The following EDIL3 variants were observed in gnomAD, a reference collection of about 807,000 sequenced individuals.
The protein encoded by EDIL3 is EGF-like repeat and discoidin I-like domain-containing protein 3.
Under a neutral mutation model 67.4 loss-of-function variants are expected in EDIL3, and 37 were observed. That is an observed-to-expected ratio of 0.55 (90% CI 0.42 to 0.72). The LOEUF is 0.72. Among genes scored for constraint, EDIL3 ranks in the 30% least tolerant of loss-of-function variants. The probability of loss-of-function intolerance (pLI) is 0.00; values close to 1 mark genes in which losing one functional copy is unlikely to be tolerated. For synonymous variants in EDIL3, 195 were observed against 196.3 expected, an observed-to-expected ratio of 0.99 and a Z score of 0.05; for missense variants, 527 against 586.3, an observed-to-expected ratio of 0.90 and a Z score of 1.04.
rs186875602 is a variant in EDIL3 at position 83,973,785 on chromosome 5, C to T, written c.1138-10425G>A. Among the ~76,000 whole-genome samples, 705 of 151,990 alleles carry T rather than the reference C, an allele frequency of 4.6e-3. 3 individuals carry two copies. Among genetic ancestry groups the T allele is most frequent in the Non-Finnish European group, 8.0e-3 (546 of 67,948 alleles). ...CATGCATCTTATTCTGTGGCAAATACCATAAGAACTGAAAATATAGGTTGG... is the reference window on the plus strand; with the variant it reads ...CATGCATCTTATTCTGTGGCAAATATCATAAGAACTGAAAATATAGGTTGG... On this transcript the variant is annotated intron_variant, in intron 9 of 10. Transcript: ENST00000296591.
intron 4 of EDIL3, among the ~76,000 whole-genome samples, chr5:84,172,766 G>A (rs1748834539): frequency 6.6e-6 from 1 of 152,166 alleles, no homozygotes; most frequent in African/African-American, 2.4e-5. Flanking sequence ...AGCATACCCT[G>A]AGAATGACTC....
chr5:84,262,488 A>AATC (rs1475922053), intron 1 of EDIL3, among the ~76,000 whole-genome samples: 2 of 152,044 alleles, frequency 1.3e-5, no homozygotes, highest in Admixed American at 6.6e-5. Flanking sequence ...AGGAAGCTAC[A>AATC]ATCAGCAAAT....
intron 6 of EDIL3, among the ~76,000 whole-genome samples, chr5:84,069,950 AGAG>A (rs1273476155): frequency 6.6e-6 from 1 of 152,042 alleles, no homozygotes; most frequent in East Asian, 1.9e-4. Context: ...GGAGAGGAGC[AGAG>A]GAGCAGAAGA....
chr5:84,133,660 G>C (rs1748038446), intron 5 of EDIL3, among the ~76,000 whole-genome samples: 1 of 151,214 alleles, frequency 6.6e-6, no homozygotes. Flanking sequence ...AATGAACAAG[G>C]GAATTAAATT....
At chr5:84,104,293 C>T (rs769898712) in intron 6 of EDIL3, among the ~76,000 whole-genome samples, 1 of 151,112 alleles carries the variant, frequency 6.6e-6, no homozygotes, top group Non-Finnish European at 1.5e-5. Flanking sequence ...GGCTTAATAC[C>T]AGAGTAACAA....
intron 9 of EDIL3, among the ~76,000 whole-genome samples, chr5:84,020,076 C>CAAAAAAAAAAAAAA (rs9293362): frequency 7.8e-6 from 1 of 128,326 alleles, no homozygotes; most frequent in Non-Finnish European, 1.6e-5. Context: ...ATCTTTTGTA[C>CAAAAAAAAAAAAAA]AAAAAAAAAA....
intron 1 of EDIL3, among the ~76,000 whole-genome samples, chr5:84,283,371 A>C (rs1745742321): frequency 6.6e-6 from 1 of 152,086 alleles, no homozygotes; most frequent in Non-Finnish European, 1.5e-5. Context: ...TAAAAGCACA[A>C]TTTTCTTCAC....
intron 6 of EDIL3, among the ~76,000 whole-genome samples, chr5:84,069,024 G>A (rs1180639982): frequency 6.6e-6 from 1 of 152,076 alleles, no homozygotes; most frequent in Non-Finnish European, 1.5e-5. Flanking sequence ...TGGCTAAAAG[G>A]TGATCTTAAT....
intron 10 of EDIL3, among the ~76,000 whole-genome samples, chr5:83,956,909 A>G (rs1035010132): frequency 1.3e-5 from 2 of 151,754 alleles, no homozygotes; most frequent in Admixed American, 6.6e-5. Context: ...ATAAATAACA[A>G]TGTTCTTATT....
intron 9 of EDIL3, among the ~76,000 whole-genome samples, chr5:84,058,746 A>G (rs1048276374): frequency 1.3e-5 from 2 of 152,150 alleles, no homozygotes; most frequent in African/African-American, 4.8e-5. Context: ...AGCAAGGGGT[A>G]ATATCTTAAT....
intron 5 of EDIL3, among the ~76,000 whole-genome samples, chr5:84,120,244 A>G (rs1174521418): frequency 1.3e-5 from 2 of 152,008 alleles, no homozygotes; most frequent in African/African-American, 4.8e-5. Flanking sequence ...TTCTATATAT[A>G]GGAGTGTGGC....
At chr5:84,344,802 TTTATG>T (rs1314084535) in intron 1 of EDIL3, among the ~76,000 whole-genome samples, 1 of 152,140 alleles carries the variant, frequency 6.6e-6, no homozygotes, top group East Asian at 1.9e-4. Context: ...AAACATGTGG[TTTATG>T]TTATATTTCT....
chr5:84,326,705 C>T (rs937612203), intron 1 of EDIL3, among the ~76,000 whole-genome samples: 1 of 151,838 alleles, frequency 6.6e-6, no homozygotes, highest in Non-Finnish European at 1.5e-5. Context: ...AAATGTGATT[C>T]TTGTTTTTCT....
intron 3 of EDIL3, among the ~76,000 whole-genome samples, chr5:84,195,062 T>C (rs1743677107): frequency 6.6e-6 from 1 of 151,930 alleles, no homozygotes; most frequent in Non-Finnish European, 1.5e-5. Context: ...AGTGTTTTCA[T>C]GATACAAGTA....
intron 2 of EDIL3, among the ~76,000 whole-genome samples, chr5:84,235,961 A>G (rs1744673895): frequency 6.6e-6 from 1 of 152,080 alleles, no homozygotes; most frequent in Admixed American, 6.6e-5. Context: ...ACATGAAACT[A>G]TGATTTATTA....
chr5:83,978,974 A>G (rs1372705794), intron 9 of EDIL3, among the ~76,000 whole-genome samples: 2 of 152,148 alleles, frequency 1.3e-5, no homozygotes, highest in African/African-American at 4.8e-5. Flanking sequence ...GAAAATTTCC[A>G]TACAACTAAA....
chr5:84,271,836 G>A (rs1278927484), intron 1 of EDIL3, among the ~76,000 whole-genome samples: 1 of 152,088 alleles, frequency 6.6e-6, no homozygotes, highest in African/African-American at 2.4e-5. Flanking sequence ...CCTCAGGCAG[G>A]ATGGCATAAA....
chr5:84,215,542 A>G (rs1442885566), intron 3 of EDIL3, among the ~76,000 whole-genome samples: 4 of 152,196 alleles, frequency 2.6e-5, no homozygotes, highest in African/African-American at 4.8e-5. Context: ...GTGAGCCACC[A>G]CGCCCAGTTA....
chr5:84,275,505 A>G (rs982652260), intron 1 of EDIL3, among the ~76,000 whole-genome samples: 6 of 152,232 alleles, frequency 3.9e-5, no homozygotes, highest in African/African-American at 1.4e-4. Flanking sequence ...CTTAGCAATC[A>G]ATCTCAATTA....
Sources: gnomAD v4.1 joint callset for allele counts (sites outside exome capture counted in the v4.1 genomes callset) on GRCh38, gnomAD v4.1.1 for gene constraint, MANE v1.5 for transcripts, NCBI Gene and HGNC (gene_info 2026-07-23, HGNC 2026-07-21) for gene names.